The following LAMA1 variants were observed in gnomAD, a reference collection of about 807,000 sequenced individuals.
LAMA1 encodes laminin subunit alpha 1.
In LAMA1, 219 loss-of-function variants were observed where a neutral mutation model predicts 348.7. The observed-to-expected ratio is 0.63, with a 90% CI of 0.56 to 0.70. The LOEUF is 0.70. Among genes scored for constraint, LAMA1 ranks in the 30% least tolerant of loss-of-function variants. LAMA1 has a pLI of 0.00. For missense variants in LAMA1, 3,744 were observed against 3,888.0 expected, an observed-to-expected ratio of 0.96 and a Z score of 0.99; for synonymous variants, 1,487 against 1,491.0, an observed-to-expected ratio of 1.00 and a Z score of 0.06.
At chr18:7,067,891 T>C (rs1476825534) in intron 3 of LAMA1, among the ~76,000 whole-genome samples, 2 of 151,898 alleles carry the variant, frequency 1.3e-5, no homozygotes, top group African/African-American at 4.8e-5. Context: ...TTTGCTCTTG[T>C]TGCCCCGGCT....
intron 16 of LAMA1, among the ~76,000 whole-genome samples, chr18:7,027,551 A>C (rs554375490): frequency 1.9e-4 from 28 of 148,132 alleles, no homozygotes; most frequent in Non-Finnish European, 3.1e-4. Flanking sequence ...ACAACAACAA[A>C]AAAAAGCGAT....
intron 62 of LAMA1, 53 bp from the exon 63 acceptor site, chr18:6,942,292 T>TCC: frequency 6.3e-7 from 1 of 1,593,042 alleles, no homozygotes; most frequent in Non-Finnish European, 8.6e-7. Flanking sequence ...TGAAATGCGA[T>TCC]CCATAGCACA....
chr18:6,966,639 T>C (rs897386117), intron 48 of LAMA1, among the ~76,000 whole-genome samples: 3 of 152,106 alleles, frequency 2.0e-5, no homozygotes, highest in Non-Finnish European at 2.9e-5. Flanking sequence ...TTAACTCTGG[T>C]GCCTTCAGAA....
At chr18:7,026,209 G>A in intron 16 of LAMA1, 103 bp from the exon 17 acceptor site, 2 of 1,406,248 alleles carry the variant, frequency 1.4e-6, no homozygotes. Context: ...AAGACAAAAT[G>A]CTAAAACCAG....
intron 1 of LAMA1, among the ~76,000 whole-genome samples, chr18:7,085,609 G>C (rs576230871): frequency 6.6e-6 from 1 of 151,544 alleles, no homozygotes; most frequent in Admixed American, 6.6e-5. Flanking sequence ...TAGTAGAGAT[G>C]GGGTTTCACC....
intron 48 of LAMA1, among the ~76,000 whole-genome samples, chr18:6,967,373 C>T (rs1263941154): frequency 1.3e-5 from 2 of 152,160 alleles, no homozygotes; most frequent in African/African-American, 4.8e-5. Context: ...TTCCATTGTT[C>T]TACCTCTTGG....
intron 44 of LAMA1, among the ~76,000 whole-genome samples, chr18:6,976,708 G>A (rs925441279): frequency 6.6e-6 from 1 of 151,930 alleles, no homozygotes; most frequent in Non-Finnish European, 1.5e-5. Context: ...CTAGGCTTGA[G>A]CAATCCTCCT....
chr18:6,971,603 C>T (rs1255636680), intron 48 of LAMA1, among the ~76,000 whole-genome samples: 1 of 151,988 alleles, frequency 6.6e-6, no homozygotes, highest in Non-Finnish European at 1.5e-5. Context: ...AGTAACTAAT[C>T]TACATTATAT....
Position 6,955,314 on chromosome 18 carries a change from C to T in LAMA1, c.8207+39G>A, listed in dbSNP as rs2057570108. 4 of 1,480,326 alleles carry T rather than the reference C, an allele frequency of 2.7e-6. No homozygotes were observed. In the East Asian group the frequency reaches 9.3e-5, roughly 34 times the overall value. The allele number at this position is 1,480,326 out of a possible 1,614,324, so 91.7% of individuals were successfully genotyped here. ...CTGCAGAACACCCCCATACATCTAG[C>T]AATGAGACGCCGCATAAGGATGTTA... On this transcript the variant is annotated intron_variant, in intron 57 of 62. Coordinates refer to ENST00000389658, the MANE Select transcript of LAMA1 (RefSeq NM_005559.4).
chr18:7,023,401 C>G, intron 18 of LAMA1, 26 bp from the exon 19 acceptor site: 1 of 1,592,642 alleles, frequency 6.3e-7, no homozygotes, highest in Non-Finnish European at 8.6e-7. Flanking sequence ...AAAGTGGGAT[C>G]AGACAAATGC....
intron 61 of LAMA1, among the ~76,000 whole-genome samples, chr18:6,944,520 C>A (rs1399399174): frequency 2.0e-5 from 3 of 152,076 alleles, no homozygotes; most frequent in African/African-American, 7.2e-5. Flanking sequence ...GAAGATGGAG[C>A]TTTTAAAGAG....
At chr18:7,082,796 G>T (rs2058198182) in intron 1 of LAMA1, among the ~76,000 whole-genome samples, 1 of 152,134 alleles carries the variant, frequency 6.6e-6, no homozygotes, top group Non-Finnish European at 1.5e-5. Flanking sequence ...GACTAGTCAA[G>T]CAAGAAAAAG....
At chr18:6,967,208 G>A (rs2057637132) in intron 48 of LAMA1, among the ~76,000 whole-genome samples, 1 of 152,176 alleles carries the variant, frequency 6.6e-6, no homozygotes, top group African/African-American at 2.4e-5. Flanking sequence ...GGTTTCAAAT[G>A]TATAACTATA....
chr18:7,084,330 A>T (rs1461866060), intron 1 of LAMA1, among the ~76,000 whole-genome samples: 1 of 152,122 alleles, frequency 6.6e-6, no homozygotes, highest in Non-Finnish European at 1.5e-5. Flanking sequence ...GAGAGTGAGA[A>T]GGAGCATTAG....
intron 51 of LAMA1, among the ~76,000 whole-genome samples, chr18:6,963,296 C>T (rs142306942): frequency 1.7e-3 from 258 of 152,248 alleles, no homozygotes; most frequent in South Asian, 7.1e-3. Context: ...AGGACATAGC[C>T]GAGGCTACAG....
chr18:7,111,555 G>A (rs1276930813), intron 1 of LAMA1, among the ~76,000 whole-genome samples: 1 of 152,154 alleles, frequency 6.6e-6, no homozygotes, highest in Admixed American at 6.5e-5. Context: ...CAGCTATCGT[G>A]TGGCGTTTTA....
intron 39 of LAMA1, among the ~76,000 whole-genome samples, chr18:6,984,989 A>G (rs895904294): frequency 2.0e-5 from 3 of 152,228 alleles, no homozygotes; most frequent in African/African-American, 7.2e-5. Flanking sequence ...TATTATATTA[A>G]TATTATACTG....
intron 1 of LAMA1, among the ~76,000 whole-genome samples, chr18:7,090,733 A>C (rs1331002018): frequency 5.7e-5 from 8 of 139,196 alleles, no homozygotes; most frequent in Admixed American, 2.2e-4. Flanking sequence ...GGAGAGAGGG[A>C]GGGAGGGAGG....
rs1006088949 is a variant in LAMA1, at chr18:7,080,298, G to A, written c.221C>T (p.Ala74Val). The A allele has an allele frequency of 9.3e-6, 15 of 1,614,112 alleles. No individual in the cohort carries two copies. Among genetic ancestry groups the A allele is most frequent in the Non-Finnish European group, 1.3e-5 (15 of 1,180,054 alleles). ...PQCRICDGNS[A>V]NPRERHPISH... Reference sequence around the variant, plus strand: ...GGCGCGACACTTGCCTCTGGGGTTTGCGCTGTTGCCATCACAGATCCGGCA... The same window carrying A: ...GGCGCGACACTTGCCTCTGGGGTTTACGCTGTTGCCATCACAGATCCGGCA... The change falls in exon 2 of 63, where the codon GCA (alanine) becomes GTA (valine). Residue 74 changes from alanine to valine, a missense_variant. By Grantham distance (64) the Ala-to-Val change is moderately conservative. Coordinates refer to ENST00000389658, the MANE Select transcript of LAMA1 (RefSeq NM_005559.4).
Sources: gnomAD v4.1 joint callset for allele counts (sites outside exome capture counted in the v4.1 genomes callset) on GRCh38, gnomAD v4.1.1 for gene constraint, MANE v1.5 for transcripts, NCBI Gene and HGNC (gene_info 2026-07-23, HGNC 2026-07-21) for gene names.